The following NDUFS4 variants were observed in gnomAD, a reference collection of about 807,000 sequenced individuals.
NDUFS4 encodes NADH dehydrogenase [ubiquinone] iron-sulfur protein 4, mitochondrial.
NDUFS4 carries 28 observed loss-of-function variants against 24.3 expected under a neutral mutation model. The observed-to-expected ratio is 1.15, with a 90% CI of 0.85 to 1.58. The LOEUF (loss-of-function observed/expected upper bound fraction) is 1.58. NDUFS4 is among the 40% of genes most tolerant of loss of function. The pLI, the probability that NDUFS4 is intolerant of heterozygous loss-of-function variation, is 0.00. For missense variants in NDUFS4, 223 were observed against 207.9 expected, an observed-to-expected ratio of 1.07 and a Z score of -0.45; for synonymous variants, 93 against 69.7, an observed-to-expected ratio of 1.34 and a Z score of -1.67.
chr5:53,572,906 AGTGCT>A (rs1237686796), intron 1 of NDUFS4, among the ~76,000 whole-genome samples: 1 of 148,884 alleles, frequency 6.7e-6, no homozygotes, highest in Admixed American at 6.7e-5. Context: ...GGCCTCCCAA[AGTGCT>A]GGGATTAGAG....
intron 1 of NDUFS4, among the ~76,000 whole-genome samples, chr5:53,561,416 C>A (rs955198465): frequency 6.6e-6 from 1 of 152,000 alleles, no homozygotes; most frequent in South Asian, 2.1e-4. Flanking sequence ...TCTTTGCGTC[C>A]TTGAGAACCT....
intron 2 of NDUFS4, among the ~76,000 whole-genome samples, chr5:53,633,783 G>A (rs1053332362): frequency 6.6e-6 from 1 of 152,176 alleles, no homozygotes; most frequent in African/African-American, 2.4e-5. Context: ...TAAGGCAATT[G>A]TAAAAAGATT....
intron 2 of NDUFS4, among the ~76,000 whole-genome samples, chr5:53,626,613 G>A (rs1751234087): frequency 6.6e-6 from 1 of 152,128 alleles, no homozygotes; most frequent in South Asian, 2.1e-4. Flanking sequence ...GTTTTGATTT[G>A]CATTTCTCTA....
chr5:53,663,252 T>C (rs1465262256), intron 4 of NDUFS4, among the ~76,000 whole-genome samples: 2 of 152,216 alleles, frequency 1.3e-5, no homozygotes, highest in African/African-American at 2.4e-5. Flanking sequence ...TACTTCCAAC[T>C]GTGTGGTCAA....
intron 1 of NDUFS4, 143 bp downstream of exon 1, chr5:53,560,903 A>G: frequency 2.0e-6 from 3 of 1,525,750 alleles, no homozygotes; most frequent in South Asian, 1.2e-5. Context: ...CGGACTAGGG[A>G]CTGTCTGCTA....
intron 1 of NDUFS4, among the ~76,000 whole-genome samples, chr5:53,592,240 C>A (rs1749991056): frequency 6.6e-6 from 1 of 152,154 alleles, no homozygotes; most frequent in Admixed American, 6.5e-5. Flanking sequence ...GTGTGAGCCG[C>A]TGCGCCCGGC....
intron 2 of NDUFS4, among the ~76,000 whole-genome samples, chr5:53,611,833 A>G (rs953411041): frequency 3.3e-5 from 5 of 152,070 alleles, no homozygotes; most frequent in African/African-American, 4.8e-5. Flanking sequence ...CGCAAGTCCA[A>G]TGAACATGTT....
intron 1 of NDUFS4, among the ~76,000 whole-genome samples, chr5:53,561,701 G>A (rs982390335): frequency 6.6e-6 from 1 of 152,096 alleles, no homozygotes; most frequent in Admixed American, 6.6e-5. Flanking sequence ...TGAAAGGAAG[G>A]TCTAGTAGAA....
chr5:53,620,361 T>C (rs937070645), intron 2 of NDUFS4, among the ~76,000 whole-genome samples: 1 of 152,190 alleles, frequency 6.6e-6, no homozygotes, highest in Non-Finnish European at 1.5e-5. Context: ...AAATACTTAA[T>C]ACATTAATGA....
intron 3 of NDUFS4, among the ~76,000 whole-genome samples, chr5:53,655,371 T>C (rs1752132775): frequency 6.6e-6 from 1 of 151,586 alleles, no homozygotes; most frequent in African/African-American, 2.4e-5. Flanking sequence ...TGCCTATTTT[T>C]TTTTTTTTTT....
In NDUFS4 at chr5:53,646,885, G is replaced by A. The variant is rs73754279; in HGVS notation, c.350+480G>A. On this transcript the variant is annotated intron_variant, in intron 3 of 4. Coordinates refer to ENST00000296684, the MANE Select transcript of NDUFS4 (RefSeq NM_002495.4). ...ATGCCTAATTTATAAGTTAATCATA[G>A]GTCTATGTGTTTAGGAAAATATAGG... 6.2e-3 allele frequency among the ~76,000 whole-genome samples: 947 copies of A among 151,980 alleles called. 4 individuals carry two copies. Among genetic ancestry groups the A allele is most frequent in the Middle Eastern group, 0.021 (6 of 292 alleles).
chr5:53,628,033 C>T (rs751660340), intron 2 of NDUFS4, among the ~76,000 whole-genome samples: 8 of 152,074 alleles, frequency 5.3e-5, no homozygotes, highest in Non-Finnish European at 1.2e-4. Flanking sequence ...ATAAATAGCT[C>T]TTATTATTTT....
chr5:53,665,994 A>G (rs1561396820), intron 4 of NDUFS4, among the ~76,000 whole-genome samples: 1 of 152,178 alleles, frequency 6.6e-6, no homozygotes, highest in Non-Finnish European at 1.5e-5. Flanking sequence ...AGACCTTTAA[A>G]AACTTTTTAA....
At chr5:53,586,644 T>A (rs1749766483) in intron 1 of NDUFS4, among the ~76,000 whole-genome samples, 1 of 152,260 alleles carries the variant, frequency 6.6e-6, no homozygotes, top group Admixed American at 6.5e-5. Flanking sequence ...TGTCTCAGCC[T>A]CTTGAGTAGC....
intron 4 of NDUFS4, among the ~76,000 whole-genome samples, chr5:53,677,752 C>T (rs952845448): frequency 7.9e-5 from 12 of 152,154 alleles, no homozygotes; most frequent in Admixed American, 7.2e-4. Flanking sequence ...TGATCCCATG[C>T]TTCAGTTGGA....
At chr5:53,652,227 C>G (rs1752041264) in intron 3 of NDUFS4, among the ~76,000 whole-genome samples, 2 of 151,706 alleles carry the variant, frequency 1.3e-5, no homozygotes, top group African/African-American at 4.8e-5. Flanking sequence ...GTAACACCTG[C>G]AGAGATTATT....
At chr5:53,565,722 T>C (rs1260595213) in intron 1 of NDUFS4, among the ~76,000 whole-genome samples, 3 of 152,242 alleles carry the variant, frequency 2.0e-5, no homozygotes, top group African/African-American at 7.2e-5. Context: ...TGAAGTTGTC[T>C]TATGAATAGA....
intron 2 of NDUFS4, among the ~76,000 whole-genome samples, chr5:53,625,566 A>C (rs920234195): frequency 6.6e-6 from 1 of 152,040 alleles, no homozygotes; most frequent in African/African-American, 2.4e-5. Context: ...ATGTAGTGCA[A>C]TTTGGTTAGT....
At chr5:53,628,891 T>C (rs1377744052) in intron 2 of NDUFS4, among the ~76,000 whole-genome samples, 1 of 152,330 alleles carries the variant, frequency 6.6e-6, no homozygotes. Context: ...AATCCTGCTC[T>C]GATATTAGTC....
Sources: gnomAD v4.1 joint callset for allele counts (sites outside exome capture counted in the v4.1 genomes callset) on GRCh38, gnomAD v4.1.1 for gene constraint, MANE v1.5 for transcripts, NCBI Gene and HGNC (gene_info 2026-07-23, HGNC 2026-07-21) for gene names.